SPATA7: variants seen among roughly 807,000 people sequenced by gnomAD.
SPATA7 encodes spermatogenesis-associated protein 7.
In SPATA7, 43 loss-of-function variants were observed where a neutral mutation model predicts 51.8. The observed-to-expected ratio is 0.83, with a 90% CI of 0.65 to 1.07. The LOEUF is 1.07. Among genes scored for constraint, SPATA7 ranks in the 50% least tolerant of loss-of-function variants. The probability of loss-of-function intolerance (pLI) is 0.00; values close to 1 mark genes in which losing one functional copy is unlikely to be tolerated. For missense variants in SPATA7, 683 were observed against 701.3 expected, an observed-to-expected ratio of 0.97 and a Z score of 0.30; for synonymous variants, 230 against 252.8, an observed-to-expected ratio of 0.91 and a Z score of 0.86.
chr14:88,422,493 T>G (rs566184341), intron 5 of SPATA7, among the ~76,000 whole-genome samples: 1 of 151,508 alleles, frequency 6.6e-6, no homozygotes, highest in South Asian at 2.1e-4. Flanking sequence ...GAGTATAAAT[T>G]ACTAATTAAA....
chr14:88,421,443 T>C (rs2076639251), intron 5 of SPATA7, among the ~76,000 whole-genome samples: 1 of 152,186 alleles, frequency 6.6e-6, no homozygotes, highest in Non-Finnish European at 1.5e-5. Context: ...AAGGCTGTAA[T>C]AATGAGTCTG....
downstream of SPATA7, among the ~76,000 whole-genome samples, chr14:88,440,791 A>T (rs1250261827): frequency 6.6e-6 from 1 of 152,016 alleles, no homozygotes; most frequent in Non-Finnish European, 1.5e-5. Context: ...ATGAGCTTGC[A>T]TGATAAATAC....
intron 7 of SPATA7, chr14:88,428,739 C>T (rs1352386861): frequency 6.6e-6 from 1 of 152,346 alleles, no homozygotes; most frequent in Non-Finnish European, 1.5e-5. Flanking sequence ...ATAGTGCCAT[C>T]AGTACTTGAC....
chr14:88,418,192 C>T (rs1213843466), intron 5 of SPATA7, among the ~76,000 whole-genome samples: 4 of 152,164 alleles, frequency 2.6e-5, no homozygotes, highest in Admixed American at 1.3e-4. Flanking sequence ...TTTTAAAGGA[C>T]ACACTTTTTA....
intron 5 of SPATA7, among the ~76,000 whole-genome samples, chr14:88,424,309 T>C (rs2076731062): frequency 6.6e-6 from 1 of 152,136 alleles, no homozygotes; most frequent in Admixed American, 6.5e-5. Context: ...AGTCTACTGG[T>C]TTCCAAGGAA....
chr14:88,421,110 C>G (rs1307449092), intron 5 of SPATA7, among the ~76,000 whole-genome samples: 1 of 150,704 alleles, frequency 6.6e-6, no homozygotes, highest in Non-Finnish European at 1.5e-5. Context: ...GAAACTCCGT[C>G]TCAAAAAAAA....
intron 10 of SPATA7, among the ~76,000 whole-genome samples, 199 bp from the exon 11 acceptor site, chr14:88,437,344 C>G (rs74075032): frequency 0.026 from 3,960 of 151,934 alleles, 180 homozygotes; most frequent in African/African-American, 0.09. Context: ...AGCATACAGT[C>G]TTTCAGAAAT....
downstream of SPATA7, among the ~76,000 whole-genome samples, chr14:88,439,443 A>G (rs916119420): frequency 1.3e-5 from 2 of 152,196 alleles, no homozygotes; most frequent in Non-Finnish European, 2.9e-5. Context: ...TATTTACAAT[A>G]ATATAATTGA....
intron 10 of SPATA7, among the ~76,000 whole-genome samples, chr14:88,436,114 G>A (rs2077080771): frequency 6.6e-6 from 1 of 152,154 alleles, no homozygotes; most frequent in African/African-American, 2.4e-5. Context: ...TTTAACTGGA[G>A]TGAGATGATA....
In SPATA7 at chr14:88,438,449, C is replaced by T; in HGVS notation, c.*27C>T. 1 of 1,488,014 alleles carries T rather than the reference C, an allele frequency of 6.7e-7. No individual in the cohort carries two copies. The highest frequency in any genetic ancestry group is 9.4e-7 in the Non-Finnish European group (1 of 1,067,718). The allele number at this position is 1,488,014 out of a possible 1,614,324, so 92.2% of individuals were successfully genotyped here. ...CTTCATTAATAAATACCTCAAATGG[C>T]CAGTAACTCAATATTACTTTTCTTC... is the stretch of plus-strand genomic sequence containing the variant. On this transcript the variant is annotated 3_prime_UTR_variant, in exon 12 of 12. Coordinates refer to ENST00000393545, the MANE Select transcript of SPATA7 (RefSeq NM_018418.5).
In SPATA7 at chr14:88,426,523, A is replaced by G; in HGVS notation, c.664A>G (p.Ser222Gly). The change falls in exon 6 of 12, where the codon AGT becomes GGT. Residue 222 changes from serine to glycine, a missense_variant. Coordinates refer to ENST00000393545, the MANE Select transcript of SPATA7 (RefSeq NM_018418.5). ...RFQLVISKAP[S>G]GDLLDKHSEL... ...TCAGTTAGTCATTTCGAAAGCACCC[A>G]GTGGGGATCTTTTGGATAAACATTC... 5 of 1,614,218 alleles carry G rather than the reference A, an allele frequency of 3.1e-6. No individual in the cohort carries two copies. The highest frequency in any genetic ancestry group is 4.2e-6 in the Non-Finnish European group (5 of 1,180,034).
chr14:88,421,241 T>C (rs1008483397), intron 5 of SPATA7, among the ~76,000 whole-genome samples: 1 of 152,210 alleles, frequency 6.6e-6, no homozygotes, highest in African/African-American at 2.4e-5. Context: ...TTCAACTCAG[T>C]GCCAGGGTTC....
rs1447572828 is a variant in SPATA7 at position 88,385,846 on chromosome 14, C to T, written c.19+9C>T. 9 of 1,601,014 alleles carry T rather than the reference C, an allele frequency of 5.6e-6. No homozygotes were observed. The highest frequency in any genetic ancestry group is 7.7e-6 in the Non-Finnish European group (9 of 1,174,602). On this transcript the variant is annotated intron_variant, in intron 1 of 11. Transcript: ENST00000393545. ...GGATGGCAGCCGGAGAGGTAAAGGG[C>T]AGCTGTCAGGGGCTACCGCCGCCTC...
At chr14:88,428,985 A>G (rs1415990328) in intron 7 of SPATA7, 2 of 219,820 alleles carry the variant, frequency 9.1e-6, no homozygotes, top group East Asian at 2.5e-4. Context: ...TACATATTTG[A>G]CATGTTGGCA....
intron 4 of SPATA7, among the ~76,000 whole-genome samples, chr14:88,413,803 A>G (rs1252777131): frequency 6.6e-6 from 1 of 151,854 alleles, no homozygotes; most frequent in Non-Finnish European, 1.5e-5. Flanking sequence ...ACATCTGTTG[A>G]GATGATCATA....
At chr14:88,395,890 T>G (rs892832895) in intron 3 of SPATA7, among the ~76,000 whole-genome samples, 13 of 152,130 alleles carry the variant, frequency 8.5e-5, no homozygotes, top group African/African-American at 2.9e-4. Context: ...CAAGCTTGTT[T>G]TGGGACTACA....
At position 88,469,744 on chromosome 14, in the gene SPATA7, T is replaced by C. The variant is rs564779651; in HGVS notation, c.255-103T>C. Reference sequence around the variant, plus strand: ...CTCCCTTCCACCCTCCTGTTAAAGATGAGCATGGTTAAATGACTCGAGATC... The same window carrying C: ...CTCCCTTCCACCCTCCTGTTAAAGACGAGCATGGTTAAATGACTCGAGATC... On this transcript the variant is annotated intron_variant, in intron 4 of 4. Coordinates refer to the SPATA7 transcript ENST00000556406. This position sits in a 1 kb window ranked among gnomAD's most constrained non-coding sequence, Gnocchi z 4.3. The C allele has an allele frequency of 9.3e-6, 15 of 1,613,618 alleles. No individual in the cohort carries two copies. Among genetic ancestry groups the C allele is most frequent in the African/African-American group, 2.7e-5 (2 of 75,066 alleles).
At chr14:88,429,890 CTATTTATTTATT>C (rs57390600) in intron 8 of SPATA7, among the ~76,000 whole-genome samples, 20 of 143,474 alleles carry the variant, frequency 1.4e-4, no homozygotes, top group Non-Finnish European at 2.3e-4. Flanking sequence ...TATGAAGACA[CTATTTATTTATT>C]TATTTATTTA....
Position 88,437,580 on chromosome 14 carries a change from A to G in SPATA7, c.1198A>G (p.Asn400Asp). 6.2e-7 allele frequency: 1 copy of G among 1,610,512 alleles called. No individual in the cohort carries two copies. Among genetic ancestry groups the G allele is most frequent in the Non-Finnish European group, 8.5e-7 (1 of 1,177,788 alleles). Reference sequence around the variant, plus strand: ...ACTGTTCGAGCGACATATAAAACAAAATAAACATTTGGAGGAGGTTTGTCT... The same window carrying G: ...ACTGTTCGAGCGACATATAAAACAAGATAAACATTTGGAGGAGGTTTGTCT... ...ERLFERHIKQ[N>D]KHLEEEKMRH... Residue 400 changes from asparagine (N) to aspartate (D), a missense_variant, in exon 11 of 12, where the codon AAT becomes GAT. Coordinates refer to ENST00000393545, the MANE Select transcript of SPATA7 (RefSeq NM_018418.5).
Sources: allele counts gnomAD v4.1 joint callset (sites outside exome capture counted in the v4.1 genomes callset), GRCh38; gene constraint gnomAD v4.1.1; non-coding constraint Gnocchi (gnomAD v3.1); transcripts MANE v1.5; gene names NCBI Gene and HGNC (gene_info 2026-07-23, HGNC 2026-07-21).